Variants in KIAA1958 observed in about 807,000 individuals in gnomAD.
KIAA1958 encodes KIAA1958, also known as uncharacterized protein KIAA1958.
Under a neutral mutation model 47.2 loss-of-function variants are expected in KIAA1958, and 14 were observed. That is an observed-to-expected ratio of 0.30 (90% CI 0.20 to 0.46). KIAA1958 has a LOEUF of 0.46. KIAA1958 is among the 20% of genes least tolerant of loss of function. The pLI is 1.00. For missense variants in KIAA1958, 803 were observed against 909.2 expected (o/e 0.88, Z 1.50); for synonymous variants, 354 against 353.3 (o/e 1.00, Z -0.02).
intron 1 of KIAA1958, among the ~76,000 whole-genome samples, chr9:112,569,992 G>A (rs1158805392): frequency 6.6e-6 from 1 of 152,146 alleles, no homozygotes; most frequent in Non-Finnish European, 1.5e-5. Flanking sequence ...ATAAGTTCTA[G>A]AATTTTCAGA....
At chr9:112,649,214 G>C (rs1198914095) in intron 3 of KIAA1958, among the ~76,000 whole-genome samples, 1 of 151,930 alleles carries the variant, frequency 6.6e-6, no homozygotes, top group African/African-American at 2.4e-5. Flanking sequence ...AGGCTGAAGT[G>C]CAGTCCAGTC....
At chr9:112,516,687 G>A (rs1834441160) in intron 1 of KIAA1958, among the ~76,000 whole-genome samples, 1 of 152,162 alleles carries the variant, frequency 6.6e-6, no homozygotes. Flanking sequence ...TACATTTCCT[G>A]GCTTCATGAC....
chr9:112,571,598 C>T (rs1419328784), intron 1 of KIAA1958, among the ~76,000 whole-genome samples: 1 of 152,042 alleles, frequency 6.6e-6, no homozygotes, highest in Non-Finnish European at 1.5e-5. Flanking sequence ...AGAGAATGGA[C>T]ACTGGGTAGG....
chr9:112,553,750 A>G (rs925985024), intron 1 of KIAA1958, among the ~76,000 whole-genome samples: 1 of 152,162 alleles, frequency 6.6e-6, no homozygotes, highest in Non-Finnish European at 1.5e-5. Context: ...CACTTATCAC[A>G]CAGTGTTGAT....
intron 3 of KIAA1958, among the ~76,000 whole-genome samples, chr9:112,648,950 A>G (rs961216772): frequency 6.6e-6 from 1 of 152,234 alleles, no homozygotes; most frequent in Non-Finnish European, 1.5e-5. Context: ...AGGACATTAA[A>G]ACAGTTATTG....
chr9:112,533,630 G>GT (rs1036390270), intron 1 of KIAA1958, among the ~76,000 whole-genome samples: 10 of 148,190 alleles, frequency 6.7e-5, no homozygotes, highest in African/African-American at 2.5e-4. Context: ...TTGACTCACA[G>GT]TTTCCCATTG....
intron 1 of KIAA1958, among the ~76,000 whole-genome samples, chr9:112,538,351 CAAAAA>C (rs1200712157): frequency 6.8e-6 from 1 of 147,206 alleles, no homozygotes; most frequent in Non-Finnish European, 1.5e-5. Context: ...GACCCTGTCT[CAAAAA>C]AAAGAAAGAA....
intron 2 of KIAA1958, among the ~76,000 whole-genome samples, chr9:112,594,261 T>C (rs1295671351): frequency 1.3e-5 from 2 of 152,208 alleles, no homozygotes; most frequent in African/African-American, 4.8e-5. Flanking sequence ...TGTTTTCCAA[T>C]TTACAGAGAT....
intron 1 of KIAA1958, among the ~76,000 whole-genome samples, chr9:112,553,016 G>A (rs927972915): frequency 2.0e-5 from 3 of 151,912 alleles, no homozygotes; most frequent in Non-Finnish European, 2.9e-5. Context: ...TACTCACCCC[G>A]GGTTAGATCA....
chr9:112,630,976 A>G (rs1268262158), intron 2 of KIAA1958, among the ~76,000 whole-genome samples: 1 of 152,248 alleles, frequency 6.6e-6, no homozygotes, highest in African/African-American at 2.4e-5. Flanking sequence ...AAAATGTGAC[A>G]AATTTTATTT....
intron 2 of KIAA1958, among the ~76,000 whole-genome samples, chr9:112,637,952 C>G (rs998019473): frequency 1.3e-5 from 2 of 152,126 alleles, no homozygotes; most frequent in Non-Finnish European, 2.9e-5. Context: ...AGTTCAAGAC[C>G]AGCCTGGCCA....
chr9:112,605,739 T>C (rs1388026696), intron 2 of KIAA1958, among the ~76,000 whole-genome samples: 2 of 152,190 alleles, frequency 1.3e-5, no homozygotes, highest in Non-Finnish European at 2.9e-5. Flanking sequence ...TTGTTTCCAT[T>C]GCAGGAACTT....
intron 2 of KIAA1958, 108 bp downstream of exon 2, chr9:112,575,359 T>C: frequency 1.4e-6 from 1 of 709,020 alleles, no homozygotes; most frequent in South Asian, 2.3e-5. Context: ...CAGTCCTTTG[T>C]TAGTCATAGA....
At chr9:112,520,344 T>C (rs1458263700) in intron 1 of KIAA1958, among the ~76,000 whole-genome samples, 3 of 152,258 alleles carry the variant, frequency 2.0e-5, no homozygotes, top group East Asian at 1.9e-4. Flanking sequence ...GAAATTGATA[T>C]ATTGCATTAG....
rs138187639 is a variant in KIAA1958, at chr9:112,566,378, T to C, written c.-24-7679T>C. Among the ~76,000 whole-genome samples the C allele has an allele frequency of 2.5e-3, 387 of 152,310 alleles. 3 individuals carry two copies. Among genetic ancestry groups the C allele is most frequent in the Non-Finnish European group, 4.5e-3 (305 of 68,018 alleles). On this transcript the variant is annotated intron_variant, in intron 1 of 3. Transcript: ENST00000337530. ...CTATTGTATAGTAGCTTCTACCTGG[T>C]TAATAGGTTCTTTAGAGTTCTCCCC...
chr9:112,561,601 TC>T (rs1205469173), intron 1 of KIAA1958, among the ~76,000 whole-genome samples: 1 of 151,548 alleles, frequency 6.6e-6, no homozygotes, highest in Non-Finnish European at 1.5e-5. Context: ...ACCCCTGTAA[TC>T]CCAGCACTCT....
chr9:112,661,007 A>G lies in KIAA1958; in HGVS notation c.*938A>G, dbSNP rs1331685778. The stretch of plus-strand genomic sequence containing the variant: ...CATATACCACTGGATCTATAAAACA[A>G]CTAAAGGTAATTTTTAGTCTTAGCC... On this transcript the variant is annotated 3_prime_UTR_variant, in exon 4 of 4. Transcript: ENST00000337530. The G allele has an allele frequency of 6.6e-6, 1 of 152,214 alleles. No homozygotes were observed. Among genetic ancestry groups the G allele is most frequent in the African/African-American group, 2.4e-5 (1 of 41,442 alleles). 9.4% of individuals were successfully genotyped at this position (152,214 alleles called of 1,614,324 possible). A position where few individuals can be genotyped will look rare whatever the true frequency, so the allele number is the denominator to read the frequency against.
At chr9:112,489,245 A>G (rs1833920737) in intron 1 of KIAA1958, among the ~76,000 whole-genome samples, 1 of 152,234 alleles carries the variant, frequency 6.6e-6, no homozygotes, top group Non-Finnish European at 1.5e-5. Flanking sequence ...TCTTTAAAAT[A>G]TTTAAAAAAG....
intron 1 of KIAA1958, among the ~76,000 whole-genome samples, chr9:112,556,844 T>C (rs1305065329): frequency 6.6e-6 from 1 of 152,162 alleles, no homozygotes; most frequent in South Asian, 2.1e-4. Flanking sequence ...CAGATTGGGC[T>C]GGGGGTAGTG....
Sources: gnomAD v4.1 joint callset for allele counts (sites outside exome capture counted in the v4.1 genomes callset) on GRCh38, gnomAD v4.1.1 for gene constraint, MANE v1.5 for transcripts, NCBI Gene and HGNC (gene_info 2026-07-23, HGNC 2026-07-21) for gene names.